ADCY1: variants seen among roughly 807,000 people sequenced by gnomAD.
The protein encoded by ADCY1 is adenylate cyclase type 1.
Under a neutral mutation model 105.4 loss-of-function variants are expected in ADCY1, and 28 were observed. The observed-to-expected ratio is 0.27, with a 90% CI of 0.20 to 0.36. The LOEUF is 0.36. Among genes scored for constraint, ADCY1 ranks in the 10% least tolerant of loss-of-function variants. The pLI, the probability that ADCY1 is intolerant of heterozygous loss-of-function variation, is 1.00. For missense variants in ADCY1, 977 were observed against 1,434.2 expected, an observed-to-expected ratio of 0.68 and a Z score of 5.15; for synonymous variants, 655 against 623.8, an observed-to-expected ratio of 1.05 and a Z score of -0.75.
chr7:45,633,099 G>A (rs759257404), intron 4 of ADCY1, among the ~76,000 whole-genome samples: 5 of 152,040 alleles, frequency 3.3e-5, no homozygotes, highest in African/African-American at 1.2e-4. Context: ...TGTATTTTTG[G>A]TAGAGACGAG....
intron 12 of ADCY1, among the ~76,000 whole-genome samples, chr7:45,685,600 A>T (rs1784655553): frequency 6.7e-6 from 1 of 150,092 alleles, no homozygotes; most frequent in Non-Finnish European, 1.5e-5. Flanking sequence ...GAGGAACAGG[A>T]CAGAGCTGGG....
chr7:45,622,469 C>T (rs1023418621), intron 3 of ADCY1, among the ~76,000 whole-genome samples, 163 bp from the exon 4 acceptor site: 2 of 152,150 alleles, frequency 1.3e-5, no homozygotes, highest in Admixed American at 1.3e-4. Context: ...GTCTTCTCAC[C>T]TGTATGATGG....
chr7:45,644,188 C>G (rs1013107545), intron 4 of ADCY1, among the ~76,000 whole-genome samples: 2 of 152,176 alleles, frequency 1.3e-5, no homozygotes, highest in African/African-American at 4.8e-5. Context: ...AATTGGGATG[C>G]AGTGTGCGAG....
rs1253810176 is a variant in ADCY1, at chr7:45,703,870, G to A, written c.2718+124G>A. 1 of 1,346,662 alleles carries A rather than the reference G, an allele frequency of 7.4e-7. No homozygotes were observed. Among genetic ancestry groups the A allele is most frequent in the Non-Finnish European group, 1.0e-6 (1 of 997,972 alleles). 83.4% of individuals were successfully genotyped at this position (1,346,662 alleles called of 1,614,324 possible). Reference sequence around the variant, plus strand: ...CTGGAATGAGAGAAAGCAAATCCCGGGAAGCACAGGCATTCTGTCTCCTTT... The same window carrying A: ...CTGGAATGAGAGAAAGCAAATCCCGAGAAGCACAGGCATTCTGTCTCCTTT... On this transcript the variant is annotated intron_variant, in intron 16 of 19. Coordinates refer to ENST00000297323, the MANE Select transcript of ADCY1 (RefSeq NM_021116.4). This position sits in a 1 kb window ranked among gnomAD's most constrained non-coding sequence, Gnocchi z 5.9.
intron 5 of ADCY1, among the ~76,000 whole-genome samples, chr7:45,650,167 T>C (rs1470156395): frequency 1.3e-5 from 2 of 152,240 alleles, no homozygotes; most frequent in African/African-American, 2.4e-5. Context: ...GTATATCATA[T>C]GTCATATGTT....
chr7:45,655,655 A>G (rs1308900569), intron 5 of ADCY1, among the ~76,000 whole-genome samples: 2 of 152,188 alleles, frequency 1.3e-5, no homozygotes, highest in African/African-American at 2.4e-5. Context: ...GGAAAGATTG[A>G]AGATGGAGAG....
At chr7:45,640,723 A>T (rs774836468) in intron 4 of ADCY1, among the ~76,000 whole-genome samples, 21 of 152,202 alleles carry the variant, frequency 1.4e-4, no homozygotes, top group Non-Finnish European at 1.8e-4. Flanking sequence ...TTAAGATGTT[A>T]TCTTTATTTT....
chr7:45,706,335 A>C lies in ADCY1; in HGVS notation c.2817+1719A>C, dbSNP rs1785116174. ...AATCAAGACAGCGTGGTATTGGCAA[A>C]AGAATAGGCAAATAGATCAGTGCAA... On this transcript the variant is annotated intron_variant, in intron 17 of 19. Coordinates refer to ENST00000297323, the MANE Select transcript of ADCY1 (RefSeq NM_021116.4). 2.6e-5 allele frequency among the ~76,000 whole-genome samples: 4 copies of C among 152,272 alleles called. No individual in the cohort carries two copies. In the South Asian group the frequency reaches 8.3e-4, roughly 32 times the overall value.
chr7:45,707,063 G>A (rs1414257722), intron 17 of ADCY1, among the ~76,000 whole-genome samples: 4 of 152,212 alleles, frequency 2.6e-5, no homozygotes, highest in African/African-American at 7.2e-5. Flanking sequence ...GACAAATGCC[G>A]GTGAGGATGT....
chr7:45,602,585 A>G (rs1461697163), intron 2 of ADCY1, among the ~76,000 whole-genome samples: 1 of 152,234 alleles, frequency 6.6e-6, no homozygotes, highest in East Asian at 1.9e-4. Flanking sequence ...ATTTATCAAG[A>G]GAAAGAAGAC....
intron 4 of ADCY1, among the ~76,000 whole-genome samples, chr7:45,641,794 C>G (rs11768954): frequency 1.4e-5 from 2 of 143,390 alleles, no homozygotes; most frequent in African/African-American, 5.2e-5. Context: ...GGCGCGGTGG[C>G]GGGCGCCTGT....
rs1035958076 is a variant in ADCY1, at chr7:45,720,298, G to T, written c.*6303G>T. On this transcript the variant is annotated 3_prime_UTR_variant, in exon 20 of 20. Transcript: ENST00000297323. Reference sequence around the variant, plus strand: ...GGCGGAGGCGGGTGGATCCATTGAGGTCAGGAGCTCAAGACCAGCCTGGTC... The same window carrying T: ...GGCGGAGGCGGGTGGATCCATTGAGTTCAGGAGCTCAAGACCAGCCTGGTC... 1.3e-5 allele frequency: 2 copies of T among 152,022 alleles called. No individual in the cohort carries two copies. Among genetic ancestry groups the T allele is most frequent in the African/African-American group, 4.8e-5 (2 of 41,352 alleles). 9.4% of individuals were successfully genotyped at this position (152,022 alleles called of 1,614,324 possible). A position where few individuals can be genotyped will look rare whatever the true frequency, so the allele number is the denominator to read the frequency against.
At chr7:45,582,293 CAG>C (rs1174447594) in intron 1 of ADCY1, among the ~76,000 whole-genome samples, 2 of 152,180 alleles carry the variant, frequency 1.3e-5, no homozygotes, top group African/African-American at 2.4e-5. Context: ...AGCACCACCA[CAG>C]AGACCTGGGT....
At chr7:45,678,801 C>A (rs1784508543) in intron 10 of ADCY1, among the ~76,000 whole-genome samples, 3 of 151,870 alleles carry the variant, frequency 2.0e-5, no homozygotes, top group African/African-American at 7.3e-5. Context: ...GCAGGAGGAT[C>A]CCTTGAGCTC....
chr7:45,642,652 C>T (rs77765725), intron 4 of ADCY1, among the ~76,000 whole-genome samples: 2,772 of 152,198 alleles, frequency 0.018, 82 homozygotes, highest in South Asian at 0.13. Flanking sequence ...GTGCACTTCT[C>T]GTTGCTTCTC....
rs1254408358 is a variant in ADCY1 at position 45,574,822 on chromosome 7, C to T, written c.279C>T (p.Gly93=). The T allele has an allele frequency of 1.2e-6, 2 of 1,609,074 alleles. No individual in the cohort carries two copies. The highest frequency in any genetic ancestry group is 4.5e-5 in the East Asian group (2 of 44,776). Residue 93 remains glycine (G), a synonymous_variant, in exon 1 of 20, where the codon GGC becomes GGT. Coordinates refer to ENST00000297323, the MANE Select transcript of ADCY1 (RefSeq NM_021116.4). This position sits in a 1 kb window ranked among gnomAD's most constrained non-coding sequence, Gnocchi z 7.0. ...APGPAPGLAK[G]SHPVHCVLFL... is the part of the protein sequence containing the mutation. ...GGCCCGCGCCCGGCCTGGCCAAGGG[C>T]TCACACCCGGTGCACTGCGTCCTCT...
intron 2 of ADCY1, among the ~76,000 whole-genome samples, chr7:45,607,970 C>T (rs573380165): frequency 4.7e-4 from 71 of 152,324 alleles, no homozygotes; most frequent in Middle Eastern, 3.4e-3. Flanking sequence ...AATGGGATTG[C>T]GGATTTGATG....
rs1462513444 is a variant in ADCY1 at position 45,591,971 on chromosome 7, G to C, written c.640-788G>C. ...AGGACTAAGGGAGAGTGCAGAGACC[G>C]GGCTCTGGACACTGCGTTTCCCCAT... On this transcript the variant is annotated intron_variant, in intron 1 of 19. Coordinates refer to ENST00000297323, the MANE Select transcript of ADCY1 (RefSeq NM_021116.4). The surrounding 1 kb of genome is among the most constrained non-coding windows in gnomAD (Gnocchi z 4.1). 6.6e-6 allele frequency among the ~76,000 whole-genome samples: 1 copy of C among 152,240 alleles called. No homozygotes were observed. The highest frequency in any genetic ancestry group is 2.1e-4 in the South Asian group (1 of 4,830).
intron 1 of ADCY1, among the ~76,000 whole-genome samples, chr7:45,589,777 A>G (rs1584251668): frequency 1.4e-5 from 2 of 146,148 alleles, no homozygotes; most frequent in African/African-American, 2.5e-5. Context: ...CTTCTCAACC[A>G]CCCTCCACCG....
Sources: gnomAD v4.1 joint callset for allele counts (sites outside exome capture counted in the v4.1 genomes callset) on GRCh38, gnomAD v4.1.1 for gene constraint, Gnocchi (gnomAD v3.1) non-coding constraint, MANE v1.5 for transcripts, NCBI Gene and HGNC (gene_info 2026-07-23, HGNC 2026-07-21) for gene names.